The following KCNAB1 variants were observed in gnomAD, a reference collection of about 807,000 sequenced individuals.
KCNAB1 encodes the protein potassium voltage-gated channel subfamily A regulatory beta subunit 1.
A neutral mutation model predicts 64.6 loss-of-function variants in KCNAB1; 35 were observed. The ratio of observed to expected loss-of-function variants is 0.54; its 90% CI spans 0.41 to 0.72. The LOEUF (loss-of-function observed/expected upper bound fraction) is 0.72. KCNAB1 is among the 30% of genes least tolerant of loss of function. KCNAB1 has a pLI of 0.00. For synonymous variants in KCNAB1, 177 were observed against 183.8 expected (o/e 0.96, Z 0.30); for missense variants, 401 against 512.9 (o/e 0.78, Z 2.11).
intron 7 of KCNAB1, among the ~76,000 whole-genome samples, chr3:156,469,248 C>CTTTTTTTTTTTTTTT (rs34567814): frequency 1.4e-4 from 10 of 72,976 alleles, no homozygotes; most frequent in African/African-American, 1.7e-4. Flanking sequence ...TTCTTTCTTT[C>CTTTTTTTTTTTTTTT]TTTTTTTTTT....
At chr3:156,501,659 C>T (rs1391575043) in intron 8 of KCNAB1, among the ~76,000 whole-genome samples, 4 of 151,866 alleles carry the variant, frequency 2.6e-5, no homozygotes, top group South Asian at 2.1e-4. Flanking sequence ...CTTGAACTCC[C>T]GGCCTCAGGT....
intron 1 of KCNAB1, among the ~76,000 whole-genome samples, chr3:156,370,810 A>AT: frequency 6.6e-6 from 1 of 152,352 alleles, no homozygotes; most frequent in Middle Eastern, 3.4e-3. Context: ...AAGGGCTCAC[A>AT]TACAGGGGAG....
chr3:156,156,049 C>G (rs1467831738), intron 1 of KCNAB1, among the ~76,000 whole-genome samples: 1 of 152,064 alleles, frequency 6.6e-6, no homozygotes, highest in Admixed American at 6.6e-5. Flanking sequence ...TGTGTTTGAC[C>G]TTAGTCTCTG....
intron 8 of KCNAB1, among the ~76,000 whole-genome samples, chr3:156,476,776 C>T (rs11915422): frequency 0.4 from 61,355 of 151,882 alleles, 12,619 homozygotes; most frequent in Middle Eastern, 0.49. Flanking sequence ...TAGAAATGTT[C>T]CAGTCAATTC....
At chr3:156,141,532 CT>C (rs35188958) in intron 1 of KCNAB1, among the ~76,000 whole-genome samples, 2,156 of 147,044 alleles carry the variant, frequency 0.015, 58 homozygotes, top group African/African-American at 0.049. Context: ...TTGGTATTAG[CT>C]TTTTTTTTTT....
chr3:156,353,738 C>T (rs1725014323), intron 1 of KCNAB1, among the ~76,000 whole-genome samples: 1 of 152,198 alleles, frequency 6.6e-6, no homozygotes. Flanking sequence ...GAGCAGTTCA[C>T]AACAGGGAGG....
chr3:156,163,882 G>T (rs1716222975), intron 1 of KCNAB1, among the ~76,000 whole-genome samples: 1 of 152,204 alleles, frequency 6.6e-6, no homozygotes, highest in Non-Finnish European at 1.5e-5. Flanking sequence ...GGATGCCATG[G>T]CATGAAGTTT....
intron 1 of KCNAB1, among the ~76,000 whole-genome samples, chr3:156,387,012 C>G (rs1437120449): frequency 2.2e-5 from 2 of 89,466 alleles, no homozygotes; most frequent in East Asian, 2.2e-4. Flanking sequence ...CTTTCTCTCT[C>G]TCTTTTTTTT....
In KCNAB1 at chr3:156,519,337, A is replaced by AT. The variant is rs565020290; in HGVS notation, c.960+2981dup. 1.4e-3 allele frequency among the ~76,000 whole-genome samples: 217 copies of AT among 152,010 alleles called. 2 individuals are homozygous for AT. Among genetic ancestry groups the AT allele is most frequent in the African/African-American group, 4.9e-3 (204 of 41,464 alleles). ...TTCCCTTGGGATCTAAGTTGAGCCT[A>AT]TTTTTTTTCATTTGTGTCTCCCATA... On this transcript the variant is annotated intron_variant, in intron 11 of 13. Transcript: ENST00000490337.
chr3:156,494,232 C>G (rs1559914397), intron 8 of KCNAB1, among the ~76,000 whole-genome samples: 1 of 152,078 alleles, frequency 6.6e-6, no homozygotes, highest in Admixed American at 6.6e-5. Flanking sequence ...TTATTTATAT[C>G]AATATGAACT....
chr3:156,366,312 A>C (rs1245642178), intron 1 of KCNAB1, among the ~76,000 whole-genome samples: 3 of 152,220 alleles, frequency 2.0e-5, no homozygotes, highest in African/African-American at 7.2e-5. Context: ...AAAATAGTGA[A>C]GCAAGAAAAT....
rs144116537 is a variant in KCNAB1, at chr3:156,224,224, G to C, written c.275+103338G>C. On this transcript the variant is annotated intron_variant, in intron 1 of 13. Coordinates refer to ENST00000490337, the MANE Select transcript of KCNAB1 (RefSeq NM_172160.3). ...CCAGCCAGCCGGCCGCTCTGAGTGC[G>C]GGCCCACTGAGCCCACGCCCACCCG... Among the ~76,000 whole-genome samples, 1,005 of 152,342 alleles carry C rather than the reference G, an allele frequency of 6.6e-3. 10 individuals are homozygous for C. Among genetic ancestry groups the C allele is most frequent in the African/African-American group, 0.023 (965 of 41,586 alleles).
chr3:156,251,356 A>G (rs1717818320), intron 1 of KCNAB1, among the ~76,000 whole-genome samples: 1 of 152,230 alleles, frequency 6.6e-6, no homozygotes, highest in Non-Finnish European at 1.5e-5. Flanking sequence ...AAGATTATTA[A>G]CAGAAATATA....
intron 1 of KCNAB1, among the ~76,000 whole-genome samples, chr3:156,289,888 G>A (rs1005259907): frequency 6.6e-6 from 1 of 152,116 alleles, no homozygotes; most frequent in African/African-American, 2.4e-5. Context: ...TAGATTGTGT[G>A]TCCTGTCCAA....
intron 1 of KCNAB1, among the ~76,000 whole-genome samples, chr3:156,184,428 T>C (rs1713062523): frequency 6.6e-6 from 1 of 152,134 alleles, no homozygotes; most frequent in Non-Finnish European, 1.5e-5. Flanking sequence ...GAGAGACAAA[T>C]AGAGCTCTCA....
intron 2 of KCNAB1, among the ~76,000 whole-genome samples, chr3:156,443,904 A>G (rs1172992970): frequency 2.0e-5 from 3 of 152,250 alleles, no homozygotes; most frequent in East Asian, 1.9e-4. Context: ...GCTCTTTTGT[A>G]AAAGGCAGGT....
At chr3:156,380,228 C>T (rs988472971) in intron 1 of KCNAB1, among the ~76,000 whole-genome samples, 1 of 152,156 alleles carries the variant, frequency 6.6e-6, no homozygotes, top group African/African-American at 2.4e-5. Flanking sequence ...GAGCAGAAAA[C>T]CAGGGTGACA....
chr3:156,213,292 C>T (rs1715128879), intron 1 of KCNAB1, among the ~76,000 whole-genome samples: 1 of 150,754 alleles, frequency 6.6e-6, no homozygotes, highest in Admixed American at 6.6e-5. Context: ...GGTCATGGCT[C>T]ACTGCAGCCT....
intron 1 of KCNAB1, among the ~76,000 whole-genome samples, chr3:156,158,194 ATAAAT>A (rs1715866765): frequency 1.1e-4 from 15 of 134,808 alleles, no homozygotes; most frequent in Non-Finnish European, 1.8e-4. Flanking sequence ...AAATAAATAA[ATAAAT>A]AAATAAATAA....
Sources: gnomAD v4.1 joint callset for allele counts (sites outside exome capture counted in the v4.1 genomes callset) on GRCh38, gnomAD v4.1.1 for gene constraint, MANE v1.5 for transcripts, NCBI Gene and HGNC (gene_info 2026-07-23, HGNC 2026-07-21) for gene names.